C5orf34: variants seen among roughly 807,000 people sequenced by gnomAD.
The protein encoded by C5orf34 is uncharacterized protein C5orf34.
A neutral mutation model predicts 78.4 loss-of-function variants in C5orf34; 73 were observed. The observed-to-expected ratio is 0.93, with a 90% CI of 0.77 to 1.13. C5orf34 has a LOEUF of 1.13. C5orf34 is among the 50% of genes most tolerant of loss of function. The probability of loss-of-function intolerance (pLI) is 0.00; values close to 1 mark genes in which losing one functional copy is unlikely to be tolerated. For synonymous variants in C5orf34, 251 were observed against 246.6 expected (o/e 1.02, Z -0.17); for missense variants, 730 against 732.7 (o/e 1.00, Z 0.04).
At position 43,512,156 on chromosome 5, in the gene C5orf34, G is replaced by T. The variant is rs565876055; in HGVS notation, c.-37+2650C>A. Among the ~76,000 whole-genome samples the T allele has an allele frequency of 2.1e-3, 326 of 152,140 alleles. 2 individuals are homozygous for T. The highest frequency in any genetic ancestry group is 7.6e-3 in the African/African-American group (317 of 41,508). Reference sequence around the variant, plus strand: ...CAGGATTGTTGTGTGTATTAAAAGAGAAAACAAATATGACAGTGACCAGCA... The same window carrying T: ...CAGGATTGTTGTGTGTATTAAAAGATAAAACAAATATGACAGTGACCAGCA... On this transcript the variant is annotated intron_variant, in intron 1 of 12. Coordinates refer to ENST00000306862, the MANE Select transcript of C5orf34 (RefSeq NM_198566.4).
chr5:43,509,038 G>C, intron 2 of C5orf34, 107 bp downstream of exon 2: 1 of 815,030 alleles, frequency 1.2e-6, no homozygotes, highest in South Asian at 1.7e-5. Flanking sequence ...CTAGGTGTTC[G>C]AGGCTGCAGT....
chr5:43,495,554 G>A (rs1579861156), intron 6 of C5orf34: 1 of 1,612,150 alleles, frequency 6.2e-7, no homozygotes, highest in Non-Finnish European at 8.5e-7. Context: ...CCCAGGAAGA[G>A]CTTCACTCAA....
intron 4 of C5orf34, 148 bp downstream of exon 4, chr5:43,505,600 G>T: frequency 1.4e-6 from 1 of 691,598 alleles, no homozygotes; most frequent in Non-Finnish European, 2.3e-6. Flanking sequence ...CAACACATTT[G>T]CTAGGGAAAT....
chr5:43,506,618 CA>C (rs2112322911), intron 3 of C5orf34, among the ~76,000 whole-genome samples: 1 of 151,700 alleles, frequency 6.6e-6, no homozygotes, highest in South Asian at 2.1e-4. Context: ...AGATGTAAAA[CA>C]GACACAAAAT....
chr5:43,512,257 C>T (rs947726273), intron 1 of C5orf34, among the ~76,000 whole-genome samples: 3 of 152,238 alleles, frequency 2.0e-5, no homozygotes, highest in South Asian at 2.1e-4. Flanking sequence ...AACCCCATCC[C>T]CTTCCACATT....
At chr5:43,496,933 G>A (rs1481607071) in intron 6 of C5orf34, among the ~76,000 whole-genome samples, 1 of 151,934 alleles carries the variant, frequency 6.6e-6, no homozygotes, top group East Asian at 1.9e-4. Context: ...CATTAACATG[G>A]TAACCAAACT....
At position 43,490,562 on chromosome 5, in the gene C5orf34, C is replaced by T. The variant is rs545866329; in HGVS notation, c.1679+69G>A. 4.6e-5 allele frequency: 46 copies of T among 1,000,102 alleles called. 1 individual carries two copies. In the South Asian group the frequency reaches 6.3e-4, roughly 14 times the overall value. The allele number at this position is 1,000,102 out of a possible 1,614,324, so 62.0% of individuals were successfully genotyped here. On this transcript the variant is annotated intron_variant, in intron 11 of 12. Transcript: ENST00000306862. ...TTTGGGGAAAAAAGTCTCAGTTTAC[C>T]ATTTGACATTTTAATTTTTTTTAAA... is the stretch of plus-strand genomic sequence containing the variant.
chr5:43,490,427 T>C (rs1019454482), intron 11 of C5orf34: 4 of 381,684 alleles, frequency 1.0e-5, no homozygotes, highest in Admixed American at 4.3e-5. Flanking sequence ...TTAGGTAAAA[T>C]AGAATATGAT....
chr5:43,490,139 C>T (rs1745220707), intron 11 of C5orf34, among the ~76,000 whole-genome samples: 1 of 152,128 alleles, frequency 6.6e-6, no homozygotes, highest in South Asian at 2.1e-4. Context: ...AAGCCCAGTT[C>T]TAGTACCCTG....
At chr5:43,489,248 G>C (rs1299129218) in intron 11 of C5orf34, among the ~76,000 whole-genome samples, 2 of 151,702 alleles carry the variant, frequency 1.3e-5, no homozygotes, top group Admixed American at 1.3e-4. Flanking sequence ...TGGAGGGTGT[G>C]GCGGAAAAAA....
intron 1 of C5orf34, among the ~76,000 whole-genome samples, chr5:43,512,026 TAAAA>T (rs11299417): frequency 4.2e-5 from 5 of 119,562 alleles, no homozygotes; most frequent in Admixed American, 8.3e-5. Flanking sequence ...AATGATCAAC[TAAAA>T]AAAAAAAAAA....
chr5:43,488,742 A>C (rs1331466471), intron 11 of C5orf34, among the ~76,000 whole-genome samples: 1 of 152,056 alleles, frequency 6.6e-6, no homozygotes, highest in African/African-American at 2.4e-5. Flanking sequence ...CAGAACCCCT[A>C]AGTGTGTGTT....
intron 7 of C5orf34, 90 bp downstream of exon 7, chr5:43,494,420 C>T: frequency 2.6e-6 from 2 of 783,062 alleles, no homozygotes; most frequent in East Asian, 5.4e-5. Context: ...ATTGTACCTG[C>T]CAATTCTTAA....
intron 7 of C5orf34, 129 bp from the exon 8 acceptor site, chr5:43,493,741 CTT>C (rs967419317): frequency 7.1e-6 from 4 of 565,160 alleles, no homozygotes; most frequent in African/African-American, 5.9e-5. Context: ...GTTGGGAACT[CTT>C]TTTTTCTCCA....
At chr5:43,488,787 ATGAG>A (rs1267749007) in intron 11 of C5orf34, among the ~76,000 whole-genome samples, 43 of 152,138 alleles carry the variant, frequency 2.8e-4, no homozygotes, top group African/African-American at 9.4e-4. Flanking sequence ...AGAATGAAAT[ATGAG>A]CAATGGCATA....
Position 43,495,128 on chromosome 5 carries a change from G to A in C5orf34, c.1153-527C>T. ...CTTCGTGACCTTGCCACCTCCAGCA[G>A]CCTTCTTGTCCACTGCTTTGATGAC... On this transcript the variant is annotated intron_variant, in intron 6 of 12. Coordinates refer to ENST00000306862, the MANE Select transcript of C5orf34 (RefSeq NM_198566.4). The A allele has an allele frequency of 3.1e-6, 5 of 1,595,506 alleles. No homozygotes were observed. In the South Asian group the frequency reaches 5.5e-5, roughly 18 times the overall value.
rs1270588946 is a variant in C5orf34, at chr5:43,505,984, T to C, written c.696A>G (p.Thr232=). Residue 232 remains threonine, a synonymous_variant, in exon 4 of 13, where the codon ACA becomes ACG. Coordinates refer to ENST00000306862, the MANE Select transcript of C5orf34 (RefSeq NM_198566.4). ...ACTGCTTGACCCATGTGTATACACA[T>C]GTGTGCTTTGTACCAGGCGAAGGCA... ...EELPSPGTKH[T]CVYTWVKQCW... 6.2e-7 allele frequency: 1 copy of C among 1,614,152 alleles called. No individual in the cohort carries two copies. Among genetic ancestry groups the C allele is most frequent in the South Asian group, 1.1e-5 (1 of 91,086 alleles).
chr5:43,506,138 C>T lies in C5orf34; in HGVS notation c.542G>A (p.Cys181Tyr). 6.2e-7 allele frequency: 1 copy of T among 1,614,156 alleles called. No homozygotes were observed. ...CTGTCCTGGTAAATTTCCACGTATA[C>T]AGATTTTGCCAGTTTTTTCAACTAG... ...DKLVEKTGKICIRGNLPGQRL... is the reference protein window; with the variant it reads ...DKLVEKTGKIYIRGNLPGQRL... Residue 181 changes from cysteine (C) to tyrosine (Y), a missense_variant, in exon 4 of 13, where the codon TGT becomes TAT. Transcript: ENST00000306862.
chr5:43,503,662 T>C lies in C5orf34; in HGVS notation c.1028+3A>G. The C allele has an allele frequency of 1.9e-6, 3 of 1,580,672 alleles. No homozygotes were observed. Among genetic ancestry groups the C allele is most frequent in the Non-Finnish European group, 2.6e-6 (3 of 1,149,646 alleles). On this transcript the variant is annotated splice_donor_region_variant and intron_variant, in intron 5 of 12. Transcript: ENST00000306862. Reference sequence around the variant, plus strand: ...AACATAGAAGCCAACATAGGTGCCTTACCTATATGTAACACCTTTGTACCA... The same window carrying C: ...AACATAGAAGCCAACATAGGTGCCTCACCTATATGTAACACCTTTGTACCA...
Sources: gnomAD v4.1 joint callset for allele counts (sites outside exome capture counted in the v4.1 genomes callset) on GRCh38, gnomAD v4.1.1 for gene constraint, MANE v1.5 for transcripts, NCBI Gene and HGNC (gene_info 2026-07-23, HGNC 2026-07-21) for gene names.